Variants in THADA observed in about 807,000 individuals in gnomAD.
THADA encodes tRNA (32-2'-O)-methyltransferase regulator THADA.
THADA carries 213 observed loss-of-function variants against 219.8 expected under a neutral mutation model. The observed-to-expected ratio is 0.97, with a 90% CI of 0.87 to 1.09. The LOEUF (loss-of-function observed/expected upper bound fraction) is 1.09. Among genes scored for constraint, THADA ranks in the 50% least tolerant of loss-of-function variants. THADA has a pLI of 0.00. For missense variants in THADA, 2,956 were observed against 2,311.3 expected, an observed-to-expected ratio of 1.28 and a Z score of -5.72; for synonymous variants, 1,018 against 828.9, an observed-to-expected ratio of 1.23 and a Z score of -3.92.
intron 36 of THADA, among the ~76,000 whole-genome samples, chr2:43,257,715 C>T (rs983816405): frequency 8.5e-5 from 13 of 152,180 alleles, no homozygotes; most frequent in African/African-American, 2.9e-4. Flanking sequence ...GAAACACACA[C>T]AAAAAGTTAA....
chr2:43,446,595 ACATGGCGAAGAAGGACTGCC>A (rs1681588907), intron 26 of THADA, among the ~76,000 whole-genome samples: 1 of 152,216 alleles, frequency 6.6e-6, no homozygotes, highest in Non-Finnish European at 1.5e-5. Context: ...AGATGACAAC[ACATGGCGAAGAAGGACTGCC>A]CAGCTAAACC....
intron 22 of THADA, among the ~76,000 whole-genome samples, chr2:43,511,832 T>C (rs1460345429): frequency 6.6e-6 from 1 of 152,114 alleles, no homozygotes; most frequent in Non-Finnish European, 1.5e-5. Context: ...ATCAGTACAG[T>C]GTCATGGAAG....
Position 43,498,858 on chromosome 2 carries a change from A to G in THADA, c.3719T>C (p.Leu1240Pro). The G allele has an allele frequency of 6.2e-7, 1 of 1,613,044 alleles. No individual in the cohort carries two copies. The highest frequency in any genetic ancestry group is 8.5e-7 in the Non-Finnish European group (1 of 1,179,568). The change falls in exon 25 of 38, where the codon CTG becomes CCG. Residue 1240 changes from leucine to proline, a missense_variant. Transcript: ENST00000405975. ...TGCCCAGACCGGTGATGTAAAACCC[A>G]GAATTGCAGCCTTAGCTCCATCAGC... ...YVADGAKAAI[L>P]GFTSPVWAVR...
At chr2:43,449,694 A>G (rs1333802316) in intron 26 of THADA, among the ~76,000 whole-genome samples, 1 of 152,148 alleles carries the variant, frequency 6.6e-6, no homozygotes, top group Non-Finnish European at 1.5e-5. Flanking sequence ...ACTTGAACCC[A>G]GGAGGTCAAA....
rs780984068 is a variant in THADA at position 43,292,173 on chromosome 2, G to A, written c.4868C>T (p.Thr1623Met). 13 of 1,612,140 alleles carry A rather than the reference G, an allele frequency of 8.1e-6. No homozygotes were observed. The highest frequency in any genetic ancestry group is 4.5e-5 in the East Asian group (2 of 44,870). Residue 1623 changes from threonine to methionine, a missense_variant, in exon 33 of 38, where the codon ACG (threonine) becomes ATG (methionine). Transcript: ENST00000405975. Reference sequence around the variant, plus strand: ...TGGGGTCAGATGGACACAGTGCTCCGTCTGGGGAAGCCACTCACCAGGGTC... The same window carrying A: ...TGGGGTCAGATGGACACAGTGCTCCATCTGGGGAAGCCACTCACCAGGGTC... The part of the protein sequence containing the change: ...CMDPGEWLPQ[T>M]EHCVHLTPKE...
intron 24 of THADA, among the ~76,000 whole-genome samples, chr2:43,503,846 T>C (rs987358616): frequency 5.9e-5 from 9 of 152,112 alleles, no homozygotes; most frequent in Admixed American, 3.3e-4. Context: ...GGGCAATAAT[T>C]ATCCAGCACT....
chr2:43,436,649 T>C (rs1030343696), intron 26 of THADA, among the ~76,000 whole-genome samples: 1 of 152,166 alleles, frequency 6.6e-6, no homozygotes, highest in South Asian at 2.1e-4. Flanking sequence ...ACTGGATAGG[T>C]TGGAATGACT....
At chr2:43,428,758 T>A (rs1273758074) in intron 27 of THADA, among the ~76,000 whole-genome samples, 1 of 152,100 alleles carries the variant, frequency 6.6e-6, no homozygotes, top group Admixed American at 6.5e-5. Context: ...TCGTACAGGA[T>A]CCTCTTCTCA....
At chr2:43,412,824 A>G (rs187870793) in intron 28 of THADA, among the ~76,000 whole-genome samples, 3 of 152,174 alleles carry the variant, frequency 2.0e-5, no homozygotes, top group Admixed American at 2.0e-4. Context: ...ACTTGTTTTC[A>G]CTCAAAGTGA....
intron 26 of THADA, among the ~76,000 whole-genome samples, chr2:43,484,950 AAAAC>A (rs1278595605): frequency 3.1e-4 from 47 of 151,206 alleles, no homozygotes; most frequent in African/African-American, 1.1e-3. Context: ...TAAAAAAAAA[AAAAC>A]AAAAAAAACA....
intron 24 of THADA, among the ~76,000 whole-genome samples, chr2:43,502,584 C>CAAAAA (rs1172070049): frequency 1.4e-4 from 10 of 74,058 alleles, no homozygotes; most frequent in Admixed American, 1.5e-4. Flanking sequence ...GACCTCGTCT[C>CAAAAA]AAAAAAAAAA....
In THADA at chr2:43,586,729, C is replaced by A; in HGVS notation, c.457G>T (p.Ala153Ser). 1 of 1,612,292 alleles carries A rather than the reference C, an allele frequency of 6.2e-7. No individual in the cohort carries two copies. Among genetic ancestry groups the A allele is most frequent in the East Asian group, 2.2e-5 (1 of 44,830 alleles). ...SCMENFNLGR[A>S]SVNNLLKNVL... is the part of the protein sequence containing the mutation. ...TTTTTAAGCAGATTATTAACACTTG[C>A]TCTACCTGTAGAGGAAAAAATGAAC... Residue 153 changes from alanine (A) to serine (S), a missense_variant, in exon 6 of 38, where the codon GCA (alanine) becomes TCA (serine). Physicochemically the swap from Ala to Ser is moderately conservative, Grantham distance 99 (BLOSUM62 1). Coordinates refer to ENST00000405975, the MANE Select transcript of THADA (RefSeq NM_022065.5).
intron 25 of THADA, chr2:43,492,429 C>G (rs1248791646): frequency 6.6e-6 from 1 of 151,930 alleles, no homozygotes; most frequent in Admixed American, 6.6e-5. Context: ...ATGTATATAG[C>G]TTTTCTTATA....
chr2:43,305,088 TA>T (rs946473257), intron 31 of THADA, among the ~76,000 whole-genome samples: 6 of 152,210 alleles, frequency 3.9e-5, no homozygotes, highest in Admixed American at 3.9e-4. Flanking sequence ...AAATGGTGGA[TA>T]AACTGGTTCT....
At chr2:43,460,807 G>A (rs1683553477) in intron 26 of THADA, among the ~76,000 whole-genome samples, 1 of 152,224 alleles carries the variant, frequency 6.6e-6, no homozygotes, top group Admixed American at 6.5e-5. Flanking sequence ...AGAGCCCACA[G>A]AGGAATGCTC....
intron 30 of THADA, chr2:43,343,869 A>C: frequency 2.7e-6 from 1 of 368,142 alleles, no homozygotes; most frequent in Non-Finnish European, 5.1e-6. Context: ...GGTTTCAACA[A>C]AAACAAGCTG....
chr2:43,459,144 C>T (rs538940765), intron 26 of THADA, among the ~76,000 whole-genome samples: 2 of 152,290 alleles, frequency 1.3e-5, no homozygotes, highest in Admixed American at 1.3e-4. Flanking sequence ...ACTTTCTTTG[C>T]TCCCATGTCC....
intron 36 of THADA, among the ~76,000 whole-genome samples, chr2:43,269,645 G>C (rs1446770364): frequency 1.3e-5 from 2 of 152,204 alleles, no homozygotes; most frequent in African/African-American, 2.4e-5. Flanking sequence ...GGCAGGAATG[G>C]GGGCCTACCT....
intron 36 of THADA, among the ~76,000 whole-genome samples, chr2:43,273,945 T>C (rs1461400359): frequency 6.6e-6 from 1 of 152,186 alleles, no homozygotes; most frequent in African/African-American, 2.4e-5. Flanking sequence ...TTGCCCTGGC[T>C]ACATGGCTGC....
Sources: gnomAD v4.1 joint callset for allele counts (sites outside exome capture counted in the v4.1 genomes callset) on GRCh38, gnomAD v4.1.1 for gene constraint, MANE v1.5 for transcripts, NCBI Gene and HGNC (gene_info 2026-07-23, HGNC 2026-07-21) for gene names.